OPCML: variants seen among roughly 807,000 people sequenced by gnomAD.
OPCML encodes opioid binding protein/cell adhesion molecule like.
In OPCML, 13 loss-of-function variants were observed where a neutral mutation model predicts 37.8. That is an observed-to-expected ratio of 0.34 (90% CI 0.22 to 0.55). The LOEUF is 0.55. Among genes scored for constraint, OPCML ranks in the 20% least tolerant of loss-of-function variants. OPCML has a pLI of 0.91. For synonymous variants in OPCML, 176 were observed against 168.8 expected (o/e 1.04, Z -0.33); for missense variants, 341 against 435.6 (o/e 0.78, Z 1.93).
At chr11:133,146,011 T>C (rs1285767430) in intron 1 of OPCML, among the ~76,000 whole-genome samples, 1 of 152,216 alleles carries the variant, frequency 6.6e-6, no homozygotes, top group East Asian at 1.9e-4. Flanking sequence ...TAATGTCTTA[T>C]TATTTCCATT....
chr11:133,283,069 C>A (rs1031770026), intron 1 of OPCML, among the ~76,000 whole-genome samples: 2 of 152,000 alleles, frequency 1.3e-5, no homozygotes, highest in Non-Finnish European at 1.5e-5. Flanking sequence ...GATGTTGGAA[C>A]GAGTTAAGGC....
chr11:133,383,856 G>A (rs904519264), intron 1 of OPCML, among the ~76,000 whole-genome samples: 2 of 152,174 alleles, frequency 1.3e-5, no homozygotes, highest in East Asian at 3.9e-4. Flanking sequence ...TGAACAGACA[G>A]GATGTCTACA....
intron 1 of OPCML, among the ~76,000 whole-genome samples, chr11:133,093,653 A>C (rs1447369549): frequency 1.3e-5 from 2 of 152,198 alleles, no homozygotes; most frequent in Non-Finnish European, 2.9e-5. Flanking sequence ...GGCATTCATT[A>C]ACTGTAGCTT....
intron 1 of OPCML, among the ~76,000 whole-genome samples, chr11:133,409,326 G>A (rs1286985596): frequency 6.6e-6 from 1 of 152,176 alleles, no homozygotes; most frequent in East Asian, 1.9e-4. Context: ...CAGCTAAGTG[G>A]TGAGTTTAGA....
chr11:133,138,818 A>G (rs539042470), intron 1 of OPCML, among the ~76,000 whole-genome samples: 194 of 152,286 alleles, frequency 1.3e-3, no homozygotes, highest in Non-Finnish European at 1.1e-3. Context: ...GCATTCATAG[A>G]GATGCCTACA....
At chr11:133,393,042 C>CT (rs55728368) in intron 1 of OPCML, among the ~76,000 whole-genome samples, 57,575 of 146,268 alleles carry the variant, frequency 0.39, 12,396 homozygotes, top group East Asian at 0.59. Context: ...TGTTTAGTGA[C>CT]TTTTTTTTTT....
At chr11:132,433,366 G>A (rs2096003614) in intron 7 of OPCML, among the ~76,000 whole-genome samples, 1 of 152,150 alleles carries the variant, frequency 6.6e-6, no homozygotes, top group Non-Finnish European at 1.5e-5. Flanking sequence ...GTGGACTCAG[G>A]CCTGTGGTTT....
At chr11:133,185,881 G>C (rs576170218) in intron 1 of OPCML, among the ~76,000 whole-genome samples, 1 of 152,038 alleles carries the variant, frequency 6.6e-6, no homozygotes, top group South Asian at 2.1e-4. Context: ...AAAAGCATGA[G>C]GTATGATGAT....
At chr11:132,833,147 A>G (rs1464792243) in intron 2 of OPCML, among the ~76,000 whole-genome samples, 3 of 152,060 alleles carry the variant, frequency 2.0e-5, no homozygotes, top group Non-Finnish European at 4.4e-5. Flanking sequence ...TAAAATATAT[A>G]TAGTTTAATT....
chr11:133,118,544 G>A (rs1457304365), intron 1 of OPCML, among the ~76,000 whole-genome samples: 1 of 152,156 alleles, frequency 6.6e-6, no homozygotes, highest in Non-Finnish European at 1.5e-5. Flanking sequence ...AGACATGGAA[G>A]TCAAGGGGGC....
At chr11:132,597,235 T>C (rs569544542) in intron 3 of OPCML, among the ~76,000 whole-genome samples, 1 of 152,352 alleles carries the variant, frequency 6.6e-6, no homozygotes, top group Admixed American at 6.5e-5. Flanking sequence ...ATTTAGACTT[T>C]ATTACTACTC....
intron 4 of OPCML, among the ~76,000 whole-genome samples, chr11:132,501,469 C>A (rs1227824446): frequency 6.6e-6 from 1 of 152,136 alleles, no homozygotes; most frequent in African/African-American, 2.4e-5. Context: ...TCTTCTTTAC[C>A]TCTCCCTTTG....
intron 1 of OPCML, among the ~76,000 whole-genome samples, chr11:133,332,696 G>A (rs1389741517): frequency 6.6e-6 from 1 of 152,112 alleles, no homozygotes; most frequent in Non-Finnish European, 1.5e-5. Context: ...AGCCTTTTAT[G>A]TATCTACTGA....
At chr11:132,492,421 G>A (rs574651547) in intron 4 of OPCML, among the ~76,000 whole-genome samples, 1 of 152,184 alleles carries the variant, frequency 6.6e-6, no homozygotes, top group Admixed American at 6.5e-5. Context: ...TGATGTATGG[G>A]GTATAGGGCG....
At chr11:132,437,191 C>T (rs775987547) in intron 5 of OPCML, 31 bp downstream of exon 5, 3 of 1,606,338 alleles carry the variant, frequency 1.9e-6, no homozygotes, top group South Asian at 2.2e-5. Context: ...CCGTCTTTTC[C>T]CCAGAACCCC....
At chr11:132,990,482 C>G (rs951519432) in intron 1 of OPCML, among the ~76,000 whole-genome samples, 11 of 152,200 alleles carry the variant, frequency 7.2e-5, no homozygotes, top group African/African-American at 2.7e-4. Flanking sequence ...CTGATTTTCA[C>G]AACTACTTCA....
At chr11:132,722,476 C>T (rs1012887285) in intron 2 of OPCML, among the ~76,000 whole-genome samples, 5 of 152,108 alleles carry the variant, frequency 3.3e-5, no homozygotes, top group Admixed American at 6.5e-5. Flanking sequence ...CTAGCACTCT[C>T]CTTTTTCTGC....
chr11:133,049,230 AG>A (rs1277959739), intron 1 of OPCML, among the ~76,000 whole-genome samples: 1 of 152,232 alleles, frequency 6.6e-6, no homozygotes, highest in Non-Finnish European at 1.5e-5. Flanking sequence ...CGCATCAGCA[AG>A]GGAAGCCCAC....
rs190100529 is a variant in OPCML at position 133,455,911 on chromosome 11, T to C, written c.61+76353A>G. Among the ~76,000 whole-genome samples, 25 of 152,286 alleles carry C rather than the reference T, an allele frequency of 1.6e-4. No individual in the cohort carries two copies. In the East Asian group the frequency reaches 4.3e-3, roughly 26 times the overall value. On this transcript the variant is annotated intron_variant, in intron 1 of 7. Transcript: ENST00000524381. ...CTCACCCCTTCCACTGTGGTGTAGT[T>C]GGGAGAAAATGTCCTAATTCCTAGT...
Sources: allele counts gnomAD v4.1 joint callset (sites outside exome capture counted in the v4.1 genomes callset), GRCh38; gene constraint gnomAD v4.1.1; transcripts MANE v1.5; gene names NCBI Gene and HGNC (gene_info 2026-07-23, HGNC 2026-07-21).